Variants in GALNT13 observed in about 807,000 individuals in gnomAD.
GALNT13 encodes the protein UDP-GalNAc:polypeptide N-acetylgalactosaminyltransferase 13.
In GALNT13, 28 loss-of-function variants were observed where a neutral mutation model predicts 64.2. That is an observed-to-expected ratio of 0.44 (90% CI 0.32 to 0.60). The LOEUF is 0.60. GALNT13 is among the 20% of genes least tolerant of loss of function. The pLI, the probability that GALNT13 is intolerant of heterozygous loss-of-function variation, is 0.05. For missense variants in GALNT13, 577 were observed against 669.8 expected (o/e 0.86, Z 1.53); for synonymous variants, 214 against 224.6 (o/e 0.95, Z 0.42).
intron 4 of GALNT13, among the ~76,000 whole-genome samples, chr2:154,221,663 G>A (rs964439123): frequency 1.3e-5 from 2 of 152,002 alleles, no homozygotes; most frequent in Non-Finnish European, 2.9e-5. Flanking sequence ...GTTCCTTTCT[G>A]CAGGATATGG....
chr2:154,291,871 A>G (rs1322350647), intron 8 of GALNT13, among the ~76,000 whole-genome samples: 3 of 152,224 alleles, frequency 2.0e-5, no homozygotes, highest in African/African-American at 4.8e-5. Flanking sequence ...ATGTGATTCA[A>G]ACCTTTTTGT....
the GALNT13 span, among the ~76,000 whole-genome samples, chr2:153,866,585 T>C: frequency 2.0e-5 from 3 of 152,212 alleles, no homozygotes; most frequent in Non-Finnish European, 4.4e-5. Flanking sequence ...TTGAGTGTAT[T>C]AGTATAAAGC....
chr2:154,235,985 T>G, intron 4 of GALNT13: 1 of 869,930 alleles, frequency 1.1e-6, no homozygotes, highest in African/African-American at 1.8e-5. Flanking sequence ...TGATTCTGCC[T>G]CCATATTCTT....
At chr2:154,153,995 G>C (rs972865197) in intron 4 of GALNT13, among the ~76,000 whole-genome samples, 1 of 152,198 alleles carries the variant, frequency 6.6e-6, no homozygotes, top group Non-Finnish European at 1.5e-5. Context: ...ACCTCAGATG[G>C]AAATGCAGAA....
At chr2:153,563,918 C>T in the GALNT13 span, among the ~76,000 whole-genome samples, 8 of 152,080 alleles carry the variant, frequency 5.3e-5, no homozygotes, top group Admixed American at 4.6e-4. Context: ...ACCAGTGTAT[C>T]CTTATTCGAT....
chr2:154,361,149 T>A (rs1273754538), intron 9 of GALNT13, among the ~76,000 whole-genome samples: 1 of 152,064 alleles, frequency 6.6e-6, no homozygotes, highest in East Asian at 1.9e-4. Flanking sequence ...TGTCTGATAT[T>A]TAAGTTATGT....
At chr2:154,331,481 T>A (rs707024) in intron 9 of GALNT13, among the ~76,000 whole-genome samples, 145,255 of 151,706 alleles carry the variant, frequency 0.96, 69,811 homozygotes, top group Non-Finnish European at 0.99. Flanking sequence ...TTTTTTTTTT[T>A]AAAATGTAGA....
chr2:153,607,207 G>T, the GALNT13 span, among the ~76,000 whole-genome samples: 1 of 147,584 alleles, frequency 6.8e-6, no homozygotes, highest in Admixed American at 6.7e-5. Context: ...TAATTACTTG[G>T]TGAGTGACAC....
At chr2:153,515,963 C>T in the GALNT13 span, among the ~76,000 whole-genome samples, 1 of 152,152 alleles carries the variant, frequency 6.6e-6, no homozygotes, top group Non-Finnish European at 1.5e-5. Flanking sequence ...AGGGCCATGA[C>T]AGCAACTGAA....
At chr2:153,587,934 G>A in the GALNT13 span, among the ~76,000 whole-genome samples, 82 of 152,314 alleles carry the variant, frequency 5.4e-4, no homozygotes, top group African/African-American at 1.9e-3. Context: ...GATAAATACA[G>A]CCATTCCAAA....
At chr2:153,586,787 A>C in the GALNT13 span, among the ~76,000 whole-genome samples, 5 of 151,910 alleles carry the variant, frequency 3.3e-5, no homozygotes, top group Non-Finnish European at 7.4e-5. Context: ...TCTGGCCATA[A>C]AACAAGTCTC....
the GALNT13 span, among the ~76,000 whole-genome samples, chr2:153,527,397 G>A: frequency 6.6e-6 from 1 of 152,102 alleles, no homozygotes; most frequent in Non-Finnish European, 1.5e-5. Flanking sequence ...CATATTTAAA[G>A]TGCGGAAGGA....
chr2:153,511,757 A>G, the GALNT13 span, among the ~76,000 whole-genome samples: 2 of 152,192 alleles, frequency 1.3e-5, no homozygotes, highest in African/African-American at 2.4e-5. Context: ...CTGAAGCGGG[A>G]GTTTTATGGG....
chr2:153,967,464 G>A (rs1490595336), intron 3 of GALNT13, among the ~76,000 whole-genome samples: 3 of 152,176 alleles, frequency 2.0e-5, no homozygotes, highest in Non-Finnish European at 4.4e-5. Context: ...GCCCCCATAA[G>A]CCCAGGAACA....
At chr2:153,558,202 T>C in the GALNT13 span, among the ~76,000 whole-genome samples, 1 of 152,176 alleles carries the variant, frequency 6.6e-6, no homozygotes, top group Non-Finnish European at 1.5e-5. Context: ...CATTAGAGTA[T>C]AACCTAACCC....
At chr2:153,201,662 C>T in the GALNT13 span, 1 of 134,608 alleles carries the variant, frequency 7.4e-6, no homozygotes, top group East Asian at 2.2e-4. Context: ...TTTATCTCAA[C>T]ACACACACAC....
the GALNT13 span, among the ~76,000 whole-genome samples, chr2:153,123,934 C>G: frequency 6.6e-6 from 1 of 152,146 alleles, no homozygotes; most frequent in African/African-American, 2.4e-5. Flanking sequence ...GGACTTGCTT[C>G]TGAGAAATAG....
At chr2:153,795,912 G>T in the GALNT13 span, among the ~76,000 whole-genome samples, 1 of 152,150 alleles carries the variant, frequency 6.6e-6, no homozygotes, top group Non-Finnish European at 1.5e-5. Context: ...AATATGGTAT[G>T]TATCTTGGAG....
chr2:153,485,865 A>C, the GALNT13 span, among the ~76,000 whole-genome samples: 1 of 152,190 alleles, frequency 6.6e-6, no homozygotes. Flanking sequence ...GTGCCACTGC[A>C]CTCTAGCCTC....
Sources: gnomAD v4.1 joint callset for allele counts (sites outside exome capture counted in the v4.1 genomes callset) on GRCh38, gnomAD v4.1.1 for gene constraint, MANE v1.5 for transcripts, NCBI Gene and HGNC (gene_info 2026-07-23, HGNC 2026-07-21) for gene names.